PPP1R12B: variants seen among roughly 807,000 people sequenced by gnomAD.
PPP1R12B encodes myosin phosphatase target subunit 2.
PPP1R12B carries 76 observed loss-of-function variants against 126.1 expected under a neutral mutation model. That is an observed-to-expected ratio of 0.60 (90% CI 0.50 to 0.73). The LOEUF (loss-of-function observed/expected upper bound fraction) is 0.73, where lower values mean the gene tolerates loss of function less well. Among genes scored for constraint, PPP1R12B ranks in the 30% least tolerant of loss-of-function variants. The probability of loss-of-function intolerance (pLI) is 0.00; values close to 1 mark genes in which losing one functional copy is unlikely to be tolerated. For synonymous variants in PPP1R12B, 356 were observed against 434.7 expected, an observed-to-expected ratio of 0.82 and a Z score of 2.25; for missense variants, 1,052 against 1,205.1, an observed-to-expected ratio of 0.87 and a Z score of 1.88.
intron 18 of PPP1R12B, among the ~76,000 whole-genome samples, chr1:202,523,776 G>A (rs556671145): frequency 7.2e-5 from 11 of 152,030 alleles, no homozygotes; most frequent in Non-Finnish European, 1.3e-4. Flanking sequence ...GTGCATTGGC[G>A]CCATCTCGGC....
chr1:202,493,749 A>AT (rs1402008059), intron 15 of PPP1R12B, among the ~76,000 whole-genome samples: 15 of 152,216 alleles, frequency 9.9e-5, no homozygotes, highest in African/African-American at 3.6e-4. Context: ...AGGAAATTGA[A>AT]TCACAGAGGT....
At chr1:202,502,352 A>G (rs1680324900) in intron 18 of PPP1R12B, 2 of 985,206 alleles carry the variant, frequency 2.0e-6, no homozygotes, top group Non-Finnish European at 2.4e-6. Context: ...TTCAAACTAC[A>G]TGAAAGAACA....
intron 13 of PPP1R12B, among the ~76,000 whole-genome samples, chr1:202,464,855 C>T (rs1009547778): frequency 5.3e-5 from 8 of 152,102 alleles, no homozygotes; most frequent in African/African-American, 1.7e-4. Context: ...CAAATGTACA[C>T]ATAGTAAGGC....
chr1:202,445,172 C>G, intron 12 of PPP1R12B: 2 of 1,246,914 alleles, frequency 1.6e-6, no homozygotes, highest in African/African-American at 1.5e-5. Flanking sequence ...GGCAACCTGC[C>G]TCTTCTTGCC....
In PPP1R12B at chr1:202,371,918, C is replaced by G. The variant is rs115521715; in HGVS notation, c.291+22776C>G. Among the ~76,000 whole-genome samples the G allele has an allele frequency of 3.6e-3, 453 of 125,170 alleles. 2 individuals are homozygous for G. Among genetic ancestry groups the G allele is most frequent in the African/African-American group, 0.013 (434 of 32,862 alleles). The allele number at this position is 125,170 out of a possible 152,430, so 82.1% of individuals were successfully genotyped here. ...TCGCTCTGTTGCCCTCTGCACTCTGCTGGAGTGCAGCGGCATGATCTCAGC... is the reference window on the plus strand; with the variant it reads ...TCGCTCTGTTGCCCTCTGCACTCTGGTGGAGTGCAGCGGCATGATCTCAGC... On this transcript the variant is annotated intron_variant, in intron 1 of 23. Coordinates refer to ENST00000608999, the MANE Select transcript of PPP1R12B (RefSeq NM_002481.4).
intron 13 of PPP1R12B, among the ~76,000 whole-genome samples, chr1:202,454,504 A>G (rs1170803747): frequency 6.6e-6 from 1 of 152,278 alleles, no homozygotes; most frequent in East Asian, 1.9e-4. Context: ...TCAGTGAACC[A>G]GACAAATATG....
chr1:202,495,779 A>G, intron 17 of PPP1R12B, 97 bp downstream of exon 17: 3 of 1,065,404 alleles, frequency 2.8e-6, no homozygotes, highest in Non-Finnish European at 4.2e-6. Context: ...GGTGCCATGA[A>G]TCTTGCAGTT....
intron 2 of PPP1R12B, among the ~76,000 whole-genome samples, chr1:202,421,320 TA>T (rs1232276486): frequency 6.7e-6 from 1 of 149,760 alleles, no homozygotes; most frequent in Non-Finnish European, 1.5e-5. Context: ...TTTTTTTTTT[TA>T]AATCTCCTAC....
At chr1:202,451,882 G>A (rs1196710145) in intron 13 of PPP1R12B, among the ~76,000 whole-genome samples, 3 of 151,732 alleles carry the variant, frequency 2.0e-5, no homozygotes, top group Non-Finnish European at 4.4e-5. Flanking sequence ...GGTGGCTGCT[G>A]GGTGGAGACG....
intron 23 of PPP1R12B, among the ~76,000 whole-genome samples, chr1:202,578,203 A>G (rs1689265147): frequency 6.6e-6 from 1 of 152,352 alleles, no homozygotes; most frequent in Admixed American, 6.5e-5. Flanking sequence ...TAATGTGGAA[A>G]TAAATCACTA....
Position 202,529,765 on chromosome 1 carries a change from C to G in PPP1R12B, c.2491-29112C>G, listed in dbSNP as rs185034281. On this transcript the variant is annotated intron_variant, in intron 18 of 23. Transcript: ENST00000608999. Reference sequence around the variant, plus strand: ...CATACAGATTATAAGCACAACTTAACTATCACAGATATCTTTGAGAACTAA... The same window carrying G: ...CATACAGATTATAAGCACAACTTAAGTATCACAGATATCTTTGAGAACTAA... Among the ~76,000 whole-genome samples the G allele has an allele frequency of 2.2e-4, 33 of 152,264 alleles. 1 individual carries two copies. The East Asian group carries it at 6.2e-3, about 28-fold the overall frequency.
At chr1:202,438,350 G>A in intron 10 of PPP1R12B, 1 of 1,016,534 alleles carries the variant, frequency 9.8e-7, no homozygotes, top group Non-Finnish European at 1.4e-6. Flanking sequence ...AGGACCCCAG[G>A]TAGGGGTCCT....
intron 18 of PPP1R12B, among the ~76,000 whole-genome samples, chr1:202,551,574 G>C (rs555449058): frequency 9.2e-5 from 11 of 119,606 alleles, no homozygotes; most frequent in Admixed American, 7.1e-4. Context: ...TTTCTAAAAT[G>C]CCTCCCCAAA....
chr1:202,533,289 A>ATTTTGTTTTG (rs58502239), intron 18 of PPP1R12B, among the ~76,000 whole-genome samples: 22 of 148,910 alleles, frequency 1.5e-4, no homozygotes, highest in East Asian at 1.2e-3. Flanking sequence ...TTTTGGGGGT[A>ATTTTGTTTTG]TTTTGTTTTG....
At chr1:202,458,423 G>C (rs1420469137) in intron 13 of PPP1R12B, among the ~76,000 whole-genome samples, 1 of 110,218 alleles carries the variant, frequency 9.1e-6, no homozygotes, top group Non-Finnish European at 2.0e-5. Flanking sequence ...GTTTTTCAAA[G>C]AAACCCAAGA....
intron 1 of PPP1R12B, among the ~76,000 whole-genome samples, chr1:202,361,454 A>G (rs754860884): frequency 2.3e-4 from 35 of 152,274 alleles, no homozygotes; most frequent in Non-Finnish European, 2.9e-4. Flanking sequence ...TCTTTTAAAC[A>G]ATCAGATCTC....
rs1000387850 is a variant in PPP1R12B, at chr1:202,587,928, A to AAT, written c.*7370_*7371dup. ...GTTCTGAGAGGAGGCAGCAATCCAGAATACCTCCTTTTCTAGCCAGCATCC... is the reference window on the plus strand; with the variant it reads ...GTTCTGAGAGGAGGCAGCAATCCAGAATATACCTCCTTTTCTAGCCAGCATCC... On this transcript the variant is annotated 3_prime_UTR_variant, in exon 24 of 24. Coordinates refer to ENST00000608999, the MANE Select transcript of PPP1R12B (RefSeq NM_002481.4). The AAT allele has an allele frequency of 1.3e-5, 2 of 152,164 alleles. No individual in the cohort carries two copies. Among genetic ancestry groups the AAT allele is most frequent in the Non-Finnish European group, 2.9e-5 (2 of 68,032 alleles). 9.4% of individuals were successfully genotyped at this position (152,164 alleles called of 1,614,324 possible).
intron 1 of PPP1R12B, among the ~76,000 whole-genome samples, chr1:202,365,646 A>G (rs1659089415): frequency 6.6e-6 from 1 of 152,162 alleles, no homozygotes; most frequent in South Asian, 2.1e-4. Context: ...TGTCTGACTC[A>G]GAAGCTTTTA....
intron 18 of PPP1R12B, among the ~76,000 whole-genome samples, chr1:202,549,729 A>G (rs999660380): frequency 2.9e-4 from 44 of 152,088 alleles, no homozygotes; most frequent in African/African-American, 9.9e-4. Flanking sequence ...ACTTTCTTGA[A>G]TTACACTCTG....
Sources: gnomAD v4.1 joint callset for allele counts (sites outside exome capture counted in the v4.1 genomes callset) on GRCh38, gnomAD v4.1.1 for gene constraint, MANE v1.5 for transcripts, NCBI Gene and HGNC (gene_info 2026-07-23, HGNC 2026-07-21) for gene names.